The following TBC1D22A variants were observed in gnomAD, a reference collection of about 807,000 sequenced individuals.
The protein encoded by TBC1D22A is putative GTPase activator.
A neutral mutation model predicts 60.2 loss-of-function variants in TBC1D22A; 38 were observed. That is an observed-to-expected ratio of 0.63 (90% confidence interval 0.49 to 0.83). The LOEUF (loss-of-function observed/expected upper bound fraction) is 0.83, where lower values mean the gene tolerates loss of function less well. TBC1D22A is among the 40% of genes least tolerant of loss of function. TBC1D22A has a pLI of 0.00. For missense variants in TBC1D22A, 628 were observed against 701.0 expected (o/e 0.90, Z 1.18); for synonymous variants, 302 against 281.7 (o/e 1.07, Z -0.72).
At chr22:47,023,293 C>G (rs745617101) in intron 10 of TBC1D22A, among the ~76,000 whole-genome samples, 13 of 152,130 alleles carry the variant, frequency 8.5e-5, no homozygotes, top group Non-Finnish European at 7.4e-5. Flanking sequence ...ATTCATGAAC[C>G]TGCCAACACA....
At chr22:46,982,079 G>A (rs1413195422) in intron 9 of TBC1D22A, among the ~76,000 whole-genome samples, 1 of 152,324 alleles carries the variant, frequency 6.6e-6, no homozygotes, top group African/African-American at 2.4e-5. Flanking sequence ...GGGAGCAGGA[G>A]TGTGGGCTGG....
chr22:47,018,703 C>G (rs890690617), intron 10 of TBC1D22A, among the ~76,000 whole-genome samples: 2 of 152,110 alleles, frequency 1.3e-5, no homozygotes, highest in African/African-American at 4.8e-5. Flanking sequence ...GTAGCACTCC[C>G]CCACCACCGT....
At chr22:47,127,492 C>T (rs1019548426) in intron 12 of TBC1D22A, among the ~76,000 whole-genome samples, 3 of 151,518 alleles carry the variant, frequency 2.0e-5, no homozygotes, top group Non-Finnish European at 4.4e-5. Flanking sequence ...CCCCAAGTGC[C>T]GGGATGACAG....
chr22:46,879,782 A>G (rs560924044), intron 5 of TBC1D22A, among the ~76,000 whole-genome samples: 5 of 152,308 alleles, frequency 3.3e-5, no homozygotes, highest in Non-Finnish European at 7.3e-5. Flanking sequence ...GCCGTTTTCT[A>G]TTTATTAAGG....
chr22:46,834,609 A>C (rs1475239861), intron 4 of TBC1D22A, among the ~76,000 whole-genome samples: 1 of 152,182 alleles, frequency 6.6e-6, no homozygotes, highest in Non-Finnish European at 1.5e-5. Flanking sequence ...GTGGATCAGC[A>C]TGACTGAATA....
intron 1 of TBC1D22A, among the ~76,000 whole-genome samples, chr22:46,775,352 T>C (rs2083659725): frequency 6.6e-6 from 1 of 152,200 alleles, no homozygotes; most frequent in African/African-American, 2.4e-5. Context: ...TCTTTCCGAA[T>C]ACGGAAGGGA....
At chr22:46,895,489 T>G (rs2068625026) in intron 7 of TBC1D22A, among the ~76,000 whole-genome samples, 1 of 152,174 alleles carries the variant, frequency 6.6e-6, no homozygotes, top group African/African-American at 2.4e-5. Flanking sequence ...TTCTTTTGCC[T>G]CAGCCTCCCT....
intron 9 of TBC1D22A, among the ~76,000 whole-genome samples, chr22:46,986,664 T>A (rs1377013533): frequency 2.6e-5 from 4 of 152,294 alleles, no homozygotes; most frequent in East Asian, 1.9e-4. Flanking sequence ...TTTGTTGGTA[T>A]TTTTTGCTAC....
intron 8 of TBC1D22A, among the ~76,000 whole-genome samples, chr22:46,941,934 TACAC>T (rs368425901): frequency 0.22 from 30,483 of 138,266 alleles, 3,957 homozygotes; most frequent in African/African-American, 0.37. Flanking sequence ...TATGTATGTA[TACAC>T]ACACACACAC....
At chr22:47,109,562 T>A (rs150339101) in intron 11 of TBC1D22A, among the ~76,000 whole-genome samples, 1 of 152,198 alleles carries the variant, frequency 6.6e-6, no homozygotes, top group Non-Finnish European at 1.5e-5. Context: ...TCCAGGTGCC[T>A]CCCTGACATC....
chr22:46,774,552 G>A (rs372772309), intron 1 of TBC1D22A, among the ~76,000 whole-genome samples: 3 of 152,244 alleles, frequency 2.0e-5, no homozygotes, highest in East Asian at 1.9e-4. Context: ...GAGAACGTCT[G>A]TGTTGTTACT....
At chr22:46,858,465 C>G (rs947947740) in intron 4 of TBC1D22A, among the ~76,000 whole-genome samples, 24 of 150,962 alleles carry the variant, frequency 1.6e-4, no homozygotes, top group Admixed American at 9.8e-4. Flanking sequence ...GCAAACACCC[C>G]CCCCAGCTCT....
intron 12 of TBC1D22A, among the ~76,000 whole-genome samples, chr22:47,170,406 T>C (rs1448691494): frequency 6.6e-6 from 1 of 152,232 alleles, no homozygotes; most frequent in East Asian, 1.9e-4. Context: ...AGAATTGGAT[T>C]GGCATCCATG....
chr22:47,045,707 A>C (rs900468580), intron 11 of TBC1D22A, among the ~76,000 whole-genome samples: 1 of 152,084 alleles, frequency 6.6e-6, no homozygotes, highest in African/African-American at 2.4e-5. Context: ...CTTGAACCAG[A>C]ACAGTCAATA....
In TBC1D22A at chr22:47,168,115, A is replaced by G. The variant is rs775396660; in HGVS notation, c.1426-5383A>G. On this transcript the variant is annotated intron_variant, in intron 12 of 12. Coordinates refer to ENST00000337137, the MANE Select transcript of TBC1D22A (RefSeq NM_014346.5). ...GATGTGCTTTTAGTTGCTTCACCGG[A>G]CTCTGCGACGTTCACTGCCCAGCAA... 3.4e-4 allele frequency among the ~76,000 whole-genome samples: 51 copies of G among 152,158 alleles called. 1 individual carries two copies. The highest frequency in any genetic ancestry group is 6.3e-3 in the Middle Eastern group (2 of 316).
chr22:46,854,400 C>A (rs1001340788), intron 4 of TBC1D22A, among the ~76,000 whole-genome samples: 1 of 152,198 alleles, frequency 6.6e-6, no homozygotes, highest in Admixed American at 6.5e-5. Context: ...CCCTGCTCCT[C>A]CTCCACTGAA....
chr22:46,818,040 C>T (rs972779996), intron 4 of TBC1D22A, among the ~76,000 whole-genome samples: 5 of 152,120 alleles, frequency 3.3e-5, no homozygotes, highest in Admixed American at 6.5e-5. Context: ...GTTTCTTGGC[C>T]GCATAAATGT....
At chr22:46,976,547 A>G (rs2148140863) in intron 9 of TBC1D22A, among the ~76,000 whole-genome samples, 1 of 152,358 alleles carries the variant, frequency 6.6e-6, no homozygotes, top group East Asian at 1.9e-4. Flanking sequence ...GTACTCACTT[A>G]AAACCACGGC....
chr22:46,865,211 C>T (rs889253680), intron 4 of TBC1D22A, among the ~76,000 whole-genome samples: 3 of 152,178 alleles, frequency 2.0e-5, no homozygotes, highest in African/African-American at 7.2e-5. Context: ...CTTGCAGGCA[C>T]CACCCCCCGC....
Sources: allele counts gnomAD v4.1 joint callset (sites outside exome capture counted in the v4.1 genomes callset), GRCh38; gene constraint gnomAD v4.1.1; transcripts MANE v1.5; gene names NCBI Gene and HGNC (gene_info 2026-07-23, HGNC 2026-07-21).